ANO3: variants seen among roughly 807,000 people sequenced by gnomAD.
The protein encoded by ANO3 is anoctamin 3, also known as anoctamin-3.
Under a neutral mutation model 144.8 loss-of-function variants are expected in ANO3, and 99 were observed. That is an observed-to-expected ratio of 0.68 (90% CI 0.58 to 0.81). ANO3 has a LOEUF of 0.81. Among genes scored for constraint, ANO3 ranks in the 30% least tolerant of loss-of-function variants. ANO3 has a pLI of 0.00. For missense variants in ANO3, 905 were observed against 1,202.2 expected, an observed-to-expected ratio of 0.75 and a Z score of 3.66; for synonymous variants, 414 against 392.6, an observed-to-expected ratio of 1.05 and a Z score of -0.64.
At chr11:26,544,798 C>T (rs146010516) in intron 11 of ANO3, among the ~76,000 whole-genome samples, 100 of 151,990 alleles carry the variant, frequency 6.6e-4, no homozygotes, top group African/African-American at 2.3e-3. Flanking sequence ...CAGCAAGCAG[C>T]CTTTATTTTC....
chr11:26,529,356 A>T (rs756937887), intron 7 of ANO3, among the ~76,000 whole-genome samples: 6 of 52 alleles, frequency 0.12, 3 homozygotes, highest in African/African-American at 0.12. Context: ...ATTATATAAT[A>T]ATATATTATA....
rs398115186 is a variant in ANO3, at chr11:26,522,214, C to CAA, written c.693-3412_693-3411dup. Among the ~76,000 whole-genome samples, 389 of 150,860 alleles carry CAA rather than the reference C, an allele frequency of 2.6e-3. 2 individuals are homozygous for CAA. The highest frequency in any genetic ancestry group is 0.016 in the South Asian group (76 of 4,768). On this transcript the variant is annotated intron_variant, in intron 6 of 26. Coordinates refer to ENST00000256737, the MANE Select transcript of ANO3 (RefSeq NM_031418.4). The stretch of plus-strand genomic sequence containing the variant: ...AAACAAACAGCAACAACAACAACAA[C>CAA]AAAAAAAAAACATTAAGAGCAATCA...
intron 1 of ANO3, among the ~76,000 whole-genome samples, chr11:26,190,655 ATTGTC>A (rs1220191750): frequency 6.6e-6 from 1 of 152,126 alleles, no homozygotes; most frequent in Non-Finnish European, 1.5e-5. Flanking sequence ...AGATTCAACT[ATTGTC>A]TTTATGCCGT....
intron 1 of ANO3, among the ~76,000 whole-genome samples, chr11:26,339,058 T>A (rs369628942): frequency 3.3e-5 from 5 of 152,312 alleles, no homozygotes; most frequent in African/African-American, 1.2e-4. Flanking sequence ...GGTAAGGGAT[T>A]TGAGGTTAAG....
chr11:26,630,063 T>A (rs1221943378), intron 18 of ANO3, among the ~76,000 whole-genome samples: 1 of 152,208 alleles, frequency 6.6e-6, no homozygotes, highest in African/African-American at 2.4e-5. Context: ...AACAAGAAGA[T>A]AAGTTCAGTC....
At position 26,332,178 on chromosome 11, in the gene ANO3, C is replaced by T. The variant is rs1855065455; in HGVS notation, c.-98C>T. ...CAGGTGTCGGATTGCAGTGCGCTCG[C>T]TGAGGCTCCGGACCTTGGAGCGTCT... On this transcript the variant is annotated 5_prime_UTR_variant, in exon 1 of 27. Coordinates refer to ENST00000256737, the MANE Select transcript of ANO3 (RefSeq NM_031418.4). 1 of 1,607,244 alleles carries T rather than the reference C, an allele frequency of 6.2e-7. No homozygotes were observed.
chr11:26,195,547 T>C (rs1317271757), intron 1 of ANO3, among the ~76,000 whole-genome samples: 2 of 152,112 alleles, frequency 1.3e-5, no homozygotes, highest in Non-Finnish European at 2.9e-5. Context: ...ACAATAACAA[T>C]CATGCATTAT....
intron 1 of ANO3, among the ~76,000 whole-genome samples, chr11:26,395,118 G>T (rs1188983673): frequency 6.6e-6 from 1 of 152,058 alleles, no homozygotes; most frequent in African/African-American, 2.4e-5. Context: ...AAACAGAGGA[G>T]ATTCCATTGG....
At chr11:26,576,997 C>A (rs1330204155) in intron 14 of ANO3, among the ~76,000 whole-genome samples, 1 of 152,182 alleles carries the variant, frequency 6.6e-6, no homozygotes, top group Non-Finnish European at 1.5e-5. Context: ...TTGGCCCATT[C>A]AGATCTGAAA....
At chr11:26,431,242 A>G (rs2134010263) in intron 1 of ANO3, among the ~76,000 whole-genome samples, 1 of 152,352 alleles carries the variant, frequency 6.6e-6, no homozygotes, top group Non-Finnish European at 1.5e-5. Flanking sequence ...CTTTTTATGA[A>G]CCATGTAGAA....
chr11:26,612,609 T>A (rs944580269), intron 17 of ANO3, among the ~76,000 whole-genome samples: 6 of 151,904 alleles, frequency 3.9e-5, no homozygotes, highest in African/African-American at 1.5e-4. Context: ...GCTTATACAG[T>A]TTTCTTGACA....
intron 9 of ANO3, among the ~76,000 whole-genome samples, chr11:26,534,773 G>A (rs1212518814): frequency 2.0e-5 from 3 of 152,034 alleles, no homozygotes; most frequent in Non-Finnish European, 2.9e-5. Flanking sequence ...ATATCAAAAC[G>A]TGAAATGTGA....
intron 6 of ANO3, 109 bp from the exon 7 acceptor site, chr11:26,525,526 A>T: frequency 1.3e-6 from 1 of 785,156 alleles, no homozygotes; most frequent in Non-Finnish European, 2.1e-6. Flanking sequence ...TTTCTTAAGC[A>T]TACGGAACTT....
In ANO3 at chr11:26,643,978, G is replaced by T. The variant is rs1005652915; in HGVS notation, c.2428+644G>T. 4.6e-5 allele frequency among the ~76,000 whole-genome samples: 7 copies of T among 152,252 alleles called. No individual in the cohort carries two copies. In the East Asian group the frequency reaches 1.2e-3, roughly 25 times the overall value. On this transcript the variant is annotated intron_variant, in intron 23 of 26. Coordinates refer to ENST00000256737, the MANE Select transcript of ANO3 (RefSeq NM_031418.4). ...CCATCTCCAGATATTGAACCTGCTGGTGCATTTATCTAGGACTTCCTAGCC... is the reference window on the plus strand; with the variant it reads ...CCATCTCCAGATATTGAACCTGCTGTTGCATTTATCTAGGACTTCCTAGCC...
chr11:26,474,046 G>A, intron 4 of ANO3: 3 of 985,156 alleles, frequency 3.0e-6, no homozygotes, highest in South Asian at 4.7e-5. Context: ...ACACTGAAGA[G>A]TGCTTTAAAG....
At chr11:26,378,798 C>G (rs1336463852) in intron 1 of ANO3, among the ~76,000 whole-genome samples, 1 of 152,028 alleles carries the variant, frequency 6.6e-6, no homozygotes, top group Non-Finnish European at 1.5e-5. Flanking sequence ...GACAAATGCT[C>G]TGGTCCAAGA....
intron 3 of ANO3, 36 bp from the exon 4 acceptor site, chr11:26,462,993 AT>A: frequency 8.9e-7 from 1 of 1,121,436 alleles, no homozygotes; most frequent in Non-Finnish European, 1.3e-6. Context: ...GAGAAAAACT[AT>A]AGAAATGGAT....
chr11:26,260,537 G>C (rs545952944), intron 1 of ANO3, among the ~76,000 whole-genome samples: 2 of 152,236 alleles, frequency 1.3e-5, no homozygotes, highest in African/African-American at 2.4e-5. Context: ...CCTTAAGGGG[G>C]CCTGAGATTG....
chr11:26,594,992 C>T (rs1590606219), intron 14 of ANO3, among the ~76,000 whole-genome samples: 1 of 152,210 alleles, frequency 6.6e-6, no homozygotes, highest in East Asian at 1.9e-4. Flanking sequence ...AAATTGGTCC[C>T]AATTCTCCAG....
Sources: allele counts gnomAD v4.1 joint callset (sites outside exome capture counted in the v4.1 genomes callset), GRCh38; gene constraint gnomAD v4.1.1; transcripts MANE v1.5; gene names NCBI Gene and HGNC (gene_info 2026-07-23, HGNC 2026-07-21).